The following UNKL variants were observed in gnomAD, a reference collection of about 807,000 sequenced individuals.
UNKL encodes the protein unk like zinc finger, also known as putative E3 ubiquitin-protein ligase UNKL.
A neutral mutation model predicts 78.0 loss-of-function variants in UNKL; 60 were observed. The observed-to-expected ratio is 0.77, with a 90% CI of 0.63 to 0.95. The LOEUF is 0.95. Ranked by LOEUF, UNKL falls within the 40% of genes least tolerant of loss-of-function variation. The pLI is 0.00. For missense variants in UNKL, 1,159 were observed against 1,045.7 expected, an observed-to-expected ratio of 1.11 and a Z score of -1.49; for synonymous variants, 608 against 474.8, an observed-to-expected ratio of 1.28 and a Z score of -3.65.
chr16:1,384,455 G>C (rs2036731559), intron 10 of UNKL, among the ~76,000 whole-genome samples: 1 of 152,028 alleles, frequency 6.6e-6, no homozygotes, highest in Non-Finnish European at 1.5e-5. Flanking sequence ...ACGTGTCTCA[G>C]TGCCCAGTGA....
Position 1,366,099 on chromosome 16 carries a change from C to G in UNKL, c.*141G>C. 9.5e-7 allele frequency: 1 copy of G among 1,052,878 alleles called. No individual in the cohort carries two copies. Among genetic ancestry groups the G allele is most frequent in the South Asian group, 2.3e-5 (1 of 43,504 alleles). The allele number at this position is 1,052,878 out of a possible 1,614,324, so 65.2% of individuals were successfully genotyped here. Reference sequence around the variant, plus strand: ...GGCCAAGCGCAGGCGGGGCTCCCAGCCTCATGATAACGTGTAACAGGAAGG... The same window carrying G: ...GGCCAAGCGCAGGCGGGGCTCCCAGGCTCATGATAACGTGTAACAGGAAGG... On this transcript the variant is annotated 3_prime_UTR_variant, in exon 15 of 15. Coordinates refer to ENST00000389221, the MANE Select transcript of UNKL (RefSeq NM_001372107.1).
At chr16:1,371,468 T>G (rs531708295) in intron 11 of UNKL, 51 bp downstream of exon 11, 1 of 1,516,372 alleles carries the variant, frequency 6.6e-7, no homozygotes, top group African/African-American at 1.4e-5. Flanking sequence ...CCACAGCACT[T>G]GGCTGTTCAG....
At chr16:1,408,273 AC>A (rs1183530513) in intron 2 of UNKL, among the ~76,000 whole-genome samples, 1 of 145,502 alleles carries the variant, frequency 6.9e-6, no homozygotes, top group Non-Finnish European at 1.5e-5. Flanking sequence ...CCCCCCCCCA[AC>A]GACCAGGACG....
intron 5 of UNKL, among the ~76,000 whole-genome samples, chr16:1,397,767 T>G (rs1391967485): frequency 1.0e-5 from 1 of 98,252 alleles, no homozygotes; most frequent in African/African-American, 4.2e-5. Flanking sequence ...CACAGAGGAC[T>G]TGGCTCCCCC....
At chr16:1,398,866 G>C in intron 5 of UNKL, 1 of 1,575,592 alleles carries the variant, frequency 6.3e-7, no homozygotes, top group Non-Finnish European at 8.6e-7. Context: ...AAGGTCCTGT[G>C]TGCACCCTGG....
chr16:1,388,333 G>A (rs1419920023), intron 9 of UNKL, among the ~76,000 whole-genome samples: 1 of 151,960 alleles, frequency 6.6e-6, no homozygotes, highest in Non-Finnish European at 1.5e-5. Context: ...GGCAGCCTCA[G>A]GCTCCCAAAG....
intron 9 of UNKL, among the ~76,000 whole-genome samples, chr16:1,388,971 C>A (rs1451090660): frequency 1.3e-5 from 2 of 152,202 alleles, no homozygotes; most frequent in African/African-American, 4.8e-5. Flanking sequence ...TCCATCCACA[C>A]CGCTGTGCAG....
Position 1,365,934 on chromosome 16 carries a change from G to A in UNKL, c.*306C>T, listed in dbSNP as rs75264911. On this transcript the variant is annotated 3_prime_UTR_variant, in exon 15 of 15. Coordinates refer to ENST00000389221, the MANE Select transcript of UNKL (RefSeq NM_001372107.1). ...CACAAACTGCTGTGATCACAGCGCC[G>A]CGTGGATCCCGGAGGCACCAGGCCC... The A allele has an allele frequency of 3.5e-3, 947 of 267,838 alleles. 12 individuals carry two copies. The highest frequency in any genetic ancestry group is 0.018 in the African/African-American group (845 of 45,828). 16.6% of individuals were successfully genotyped at this position (267,838 alleles called of 1,614,324 possible). A position where few individuals can be genotyped will look rare whatever the true frequency, so the allele number is the denominator to read the frequency against.
intron 6 of UNKL, 139 bp from the exon 7 acceptor site, chr16:1,394,354 CCCT>C: frequency 1.0e-6 from 1 of 1,001,046 alleles, no homozygotes; most frequent in Non-Finnish European, 1.5e-6. Flanking sequence ...GTGGGCCCTG[CCCT>C]CCTCCACGTG....
intron 4 of UNKL, among the ~76,000 whole-genome samples, chr16:1,401,077 G>T (rs572339911): frequency 9.2e-5 from 14 of 152,258 alleles, no homozygotes; most frequent in Non-Finnish European, 1.6e-4. Flanking sequence ...AGCCCCGAGG[G>T]ACAGCCCCCT....
At position 1,399,323 on chromosome 16, in the gene UNKL, G is replaced by C; in HGVS notation, c.734+51C>G. 1 of 1,504,188 alleles carries C rather than the reference G, an allele frequency of 6.6e-7. No homozygotes were observed. Among genetic ancestry groups the C allele is most frequent in the Non-Finnish European group, 8.9e-7 (1 of 1,127,822 alleles). The allele number at this position is 1,504,188 out of a possible 1,614,324, so 93.2% of individuals were successfully genotyped here. ...GGTGGGCAACGCGAGCCACGGGCCG[G>C]GAAGGACGCCCACCAGCCGGAGTCC... On this transcript the variant is annotated intron_variant, in intron 5 of 14. Transcript: ENST00000389221. The surrounding 1 kb of genome is among the most constrained non-coding windows in gnomAD (Gnocchi z 5.8).
intron 5 of UNKL, chr16:1,398,468 C>G: frequency 2.6e-6 from 3 of 1,158,536 alleles, no homozygotes; most frequent in Non-Finnish European, 3.2e-6. Context: ...TACTCGGAAG[C>G]TGCTCAGAGG....
chr16:1,409,133 C>T (rs896834724), intron 2 of UNKL, among the ~76,000 whole-genome samples: 3 of 152,044 alleles, frequency 2.0e-5, no homozygotes, highest in Non-Finnish European at 2.9e-5. Context: ...AGGATGGTCT[C>T]GATCTCCCGA....
intron 12 of UNKL, among the ~76,000 whole-genome samples, chr16:1,368,502 T>C (rs1437388666): frequency 6.8e-6 from 1 of 146,716 alleles, no homozygotes; most frequent in African/African-American, 2.5e-5. Flanking sequence ...CTCGGGAGGC[T>C]GAGGCAGGAG....
rs768671225 is a variant in UNKL, at chr16:1,367,223, C to A, written c.1915G>T (p.Glu639Ter). Residue 639 changes from glutamate (E) to a stop codon, truncating the protein, a stop_gained, in exon 14 of 15, where the codon GAG becomes TAG. Coordinates refer to ENST00000389221, the MANE Select transcript of UNKL (RefSeq NM_001372107.1). LOFTEE classifies it high-confidence loss of function. ...GAGGCTACGCCCAGGCCCTCCAGCT[C>A]CTCCTGCAGCTGCTTCACCTGTGCC... ...VEAQVKQLQE[E>*]LEGLGVASTL... 9 of 1,602,122 alleles carry A rather than the reference C, an allele frequency of 5.6e-6. No individual in the cohort carries two copies. Among genetic ancestry groups the A allele is most frequent in the Non-Finnish European group, 7.6e-6 (9 of 1,177,102 alleles).
intron 9 of UNKL, among the ~76,000 whole-genome samples, chr16:1,390,111 C>T (rs111380361): frequency 7.7e-4 from 117 of 152,274 alleles, no homozygotes; most frequent in African/African-American, 2.7e-3. Flanking sequence ...CTCAGCTTCC[C>T]GAGTAGCTGG....
In UNKL at chr16:1,364,260, A is replaced by G. The variant is rs557327998; in HGVS notation, c.*1980T>C. 5 of 152,250 alleles carry G rather than the reference A, an allele frequency of 3.3e-5. No individual in the cohort carries two copies. The highest frequency in any genetic ancestry group is 5.9e-5 in the Non-Finnish European group (4 of 68,044). The allele number at this position is 152,250 out of a possible 1,614,324, so 9.4% of individuals were successfully genotyped here. A position where few individuals can be genotyped will look rare whatever the true frequency, so the allele number is the denominator to read the frequency against. ...AGAATGTCACGGACCCACTTCCTTT[A>G]AAACAACAGAATGTTGCTATCAGTT... is the stretch of plus-strand genomic sequence containing the variant. On this transcript the variant is annotated 3_prime_UTR_variant, in exon 15 of 15. Coordinates refer to ENST00000389221, the MANE Select transcript of UNKL (RefSeq NM_001372107.1).
chr16:1,398,681 A>AGGG, intron 5 of UNKL: 3 of 694,280 alleles, frequency 4.3e-6, no homozygotes, highest in Non-Finnish European at 5.8e-6. Context: ...TGGGGTCTGC[A>AGGG]CCCCCCCACC....
intron 2 of UNKL, among the ~76,000 whole-genome samples, chr16:1,404,903 TAGAA>T (rs964104691): frequency 5.3e-5 from 8 of 151,946 alleles, no homozygotes; most frequent in African/African-American, 1.7e-4. Context: ...TTTTCAGACT[TAGAA>T]GGAAGGACTG....
Sources: allele counts gnomAD v4.1 joint callset (sites outside exome capture counted in the v4.1 genomes callset), GRCh38; gene constraint gnomAD v4.1.1; non-coding constraint Gnocchi (gnomAD v3.1); transcripts MANE v1.5; gene names NCBI Gene and HGNC (gene_info 2026-07-23, HGNC 2026-07-21).